The following PDGFRA variants were observed in gnomAD, a reference collection of about 807,000 sequenced individuals.
PDGFRA encodes the protein platelet-derived growth factor receptor alpha.
In PDGFRA, 25 loss-of-function variants were observed where a neutral mutation model predicts 121.5. The ratio of observed to expected loss-of-function variants is 0.21; its 90% CI spans 0.15 to 0.29. PDGFRA has a LOEUF of 0.29. Among genes scored for constraint, PDGFRA ranks in the 10% least tolerant of loss-of-function variants. The probability of loss-of-function intolerance (pLI) is 1.00; values close to 1 mark genes in which losing one functional copy is unlikely to be tolerated. For synonymous variants in PDGFRA, 463 were observed against 494.8 expected, an observed-to-expected ratio of 0.94 and a Z score of 0.85; for missense variants, 1,008 against 1,345.1, an observed-to-expected ratio of 0.75 and a Z score of 3.92.
intron 16 of PDGFRA, among the ~76,000 whole-genome samples, chr4:54,282,397 A>C (rs1014814030): frequency 2.0e-5 from 3 of 152,298 alleles, no homozygotes; most frequent in Middle Eastern, 6.8e-3. Flanking sequence ...CCAGAGCAAG[A>C]GCAAGCGAGA....
At chr4:54,273,183 C>G (rs528825747) in intron 9 of PDGFRA, among the ~76,000 whole-genome samples, 4 of 152,068 alleles carry the variant, frequency 2.6e-5, no homozygotes, top group African/African-American at 9.7e-5. Flanking sequence ...AGGGAGGGCT[C>G]CAGGCCTTTT....
At chr4:54,275,755 CT>C (rs1196273391) in intron 12 of PDGFRA, among the ~76,000 whole-genome samples, 1 of 152,176 alleles carries the variant, frequency 6.6e-6, no homozygotes, top group Non-Finnish European at 1.5e-5. Context: ...GTGAAATCAC[CT>C]TTGCAAAAAT....
chr4:54,255,457 A>C (rs1722307983), intron 1 of PDGFRA, among the ~76,000 whole-genome samples: 1 of 150,692 alleles, frequency 6.6e-6, no homozygotes, highest in African/African-American at 2.4e-5. Flanking sequence ...CCCAAACCCA[A>C]CTCAGGCTAA....
chr4:54,261,673 C>G (rs1239640468), intron 3 of PDGFRA, among the ~76,000 whole-genome samples: 1 of 151,624 alleles, frequency 6.6e-6, no homozygotes. Context: ...CTGAAATATA[C>G]TCATCTCTAT....
Position 54,296,076 on chromosome 4 carries a change from A to G in PDGFRA, c.*804A>G, listed in dbSNP as rs554756354. ...TTTATATTAAATAACATGTTTCTCT[A>G]TAAAGTATGGTAATAGCTTTAGTGA... On this transcript the variant is annotated 3_prime_UTR_variant, in exon 23 of 23. Coordinates refer to ENST00000257290, the MANE Select transcript of PDGFRA (RefSeq NM_006206.6). The G allele has an allele frequency of 8.6e-6, 2 of 232,750 alleles. No homozygotes were observed. Among genetic ancestry groups the G allele is most frequent in the Admixed American group, 5.6e-5 (1 of 17,786 alleles). 14.4% of individuals were successfully genotyped at this position (232,750 alleles called of 1,614,324 possible).
chr4:54,297,201 C>A lies in PDGFRA; in HGVS notation c.*1929C>A, dbSNP rs938849049. 3 of 233,502 alleles carry A rather than the reference C, an allele frequency of 1.3e-5. No homozygotes were observed. Among genetic ancestry groups the A allele is most frequent in the African/African-American group, 2.2e-5 (1 of 45,330 alleles). The allele number at this position is 233,502 out of a possible 1,614,324, so 14.5% of individuals were successfully genotyped here. On this transcript the variant is annotated 3_prime_UTR_variant, in exon 23 of 23. Coordinates refer to ENST00000257290, the MANE Select transcript of PDGFRA (RefSeq NM_006206.6). The stretch of plus-strand genomic sequence containing the variant: ...GGTGTGGGTTCATTGGCATTCTTTG[C>A]AATACTGCTTAATTGCTGATACCAT...
chr4:54,263,970 G>T, intron 4 of PDGFRA, 43 bp downstream of exon 4: 6 of 1,586,870 alleles, frequency 3.8e-6, no homozygotes, highest in Non-Finnish European at 5.2e-6. Context: ...AGAGTAACAG[G>T]CAAAATCATA....
intron 17 of PDGFRA, 149 bp downstream of exon 17, chr4:54,285,635 G>A: frequency 9.5e-6 from 7 of 740,164 alleles, no homozygotes; most frequent in South Asian, 7.3e-5. Context: ...ACGCAGGTCA[G>A]GGAGTCTGAA....
chr4:54,284,636 G>A (rs540492964), intron 16 of PDGFRA, among the ~76,000 whole-genome samples: 2 of 150,560 alleles, frequency 1.3e-5, no homozygotes, highest in African/African-American at 4.9e-5. Flanking sequence ...CTTGTAAGAA[G>A]TCACTCACTT....
chr4:54,258,514 T>C (rs1244846189), intron 1 of PDGFRA, among the ~76,000 whole-genome samples: 1 of 152,174 alleles, frequency 6.6e-6, no homozygotes, highest in African/African-American at 2.4e-5. Context: ...TAAAGGACCA[T>C]TGAAAACTGC....
In PDGFRA at chr4:54,267,293, G is replaced by C; in HGVS notation, c.764G>C (p.Gly255Ala). The C allele has an allele frequency of 6.2e-7, 1 of 1,614,098 alleles. No individual in the cohort carries two copies. The highest frequency in any genetic ancestry group is 8.5e-7 in the Non-Finnish European group (1 of 1,179,994). ...LQWTYPGEVK[G>A]KGITMLEEIK... is the part of the protein sequence containing the mutation. Reference sequence around the variant, plus strand: ...TTTCTTCCCCTTTTGCTGTAGAAAGGCAAAGGCATCACAATGCTGGAAGAA... The same window carrying C: ...TTTCTTCCCCTTTTGCTGTAGAAAGCCAAAGGCATCACAATGCTGGAAGAA... Residue 255 changes from glycine (G) to alanine (A), a missense_variant, in exon 6 of 23, where the codon GGC (glycine) becomes GCC (alanine). Physicochemically the swap from Gly to Ala is moderately conservative, Grantham distance 60. This residue lies in a region of PDGFRA where 575 missense variants were observed against 701.8 expected (regional missense o/e 0.82). Transcript: ENST00000257290.
chr4:54,275,322 G>A (rs1723660370), intron 12 of PDGFRA, among the ~76,000 whole-genome samples: 1 of 152,168 alleles, frequency 6.6e-6, no homozygotes. Flanking sequence ...AGAAATGAAT[G>A]AGGACAACCA....
In PDGFRA at chr4:54,296,421, T is replaced by C. The variant is rs1268317756; in HGVS notation, c.*1149T>C. 8.7e-6 allele frequency: 2 copies of C among 229,524 alleles called. No homozygotes were observed. The highest frequency in any genetic ancestry group is 6.2e-5 in the East Asian group (1 of 16,234). The allele number at this position is 229,524 out of a possible 1,614,324, so 14.2% of individuals were successfully genotyped here. On this transcript the variant is annotated 3_prime_UTR_variant, in exon 23 of 23. Coordinates refer to ENST00000257290, the MANE Select transcript of PDGFRA (RefSeq NM_006206.6). ...TGAAAGCTTTGGCGACCCCAATATA[T>C]GTATTTTTTGAATCTATGAACCTGA...
chr4:54,248,522 G>A (rs1165741060), intron 1 of PDGFRA, among the ~76,000 whole-genome samples: 1 of 152,182 alleles, frequency 6.6e-6, no homozygotes, highest in Non-Finnish European at 1.5e-5. Flanking sequence ...TATGTAGAAA[G>A]CTGAAACTGG....
chr4:54,260,924 C>T (rs1332994612), intron 2 of PDGFRA, among the ~76,000 whole-genome samples, 171 bp from the exon 3 acceptor site: 1 of 152,102 alleles, frequency 6.6e-6, no homozygotes. Context: ...CTGCTCTCAG[C>T]AGATGCAGTG....
chr4:54,283,050 G>A (rs1724150878), intron 16 of PDGFRA, among the ~76,000 whole-genome samples: 2 of 152,170 alleles, frequency 1.3e-5, no homozygotes, highest in African/African-American at 4.8e-5. Context: ...CTGCTCTCAG[G>A]GGCTGTTGTC....
intron 3 of PDGFRA, 131 bp downstream of exon 3, chr4:54,261,543 C>T (rs957668070): frequency 1.7e-6 from 1 of 596,390 alleles, no homozygotes; most frequent in African/African-American, 1.9e-5. Flanking sequence ...TAAGCGAACA[C>T]ACACAAAAAT....
chr4:54,287,950 G>T (rs1208062284), intron 19 of PDGFRA, among the ~76,000 whole-genome samples: 1 of 152,148 alleles, frequency 6.6e-6, no homozygotes, highest in Non-Finnish European at 1.5e-5. Context: ...TACGTGGCGG[G>T]AAGGGCAGGG....
At chr4:54,289,535 T>C (rs1375461810) in intron 21 of PDGFRA, among the ~76,000 whole-genome samples, 2 of 152,226 alleles carry the variant, frequency 1.3e-5, no homozygotes, top group Non-Finnish European at 2.9e-5. Context: ...TGGGAAGCAT[T>C]GTTCAAAGGA....
Sources: allele counts gnomAD v4.1 joint callset (sites outside exome capture counted in the v4.1 genomes callset), GRCh38; gene constraint gnomAD v4.1.1; regional missense constraint gnomAD v4.1.1; transcripts MANE v1.5; gene names NCBI Gene and HGNC (gene_info 2026-07-23, HGNC 2026-07-21).